Variants in RBMS1 observed in about 807,000 individuals in gnomAD.
The protein encoded by RBMS1 is RNA binding motif single stranded interacting protein 1, also known as RNA-binding motif, single-stranded-interacting protein 1.
Under a neutral mutation model 62.3 loss-of-function variants are expected in RBMS1, and 17 were observed. That is an observed-to-expected ratio of 0.27 (90% CI 0.19 to 0.41). The LOEUF (loss-of-function observed/expected upper bound fraction) is 0.41, where lower values mean the gene tolerates loss of function less well. RBMS1 is among the 10% of genes least tolerant of loss of function. The probability of loss-of-function intolerance (pLI) is 1.00; values close to 1 mark genes in which losing one functional copy is unlikely to be tolerated. For synonymous variants in RBMS1, 172 were observed against 170.0 expected, an observed-to-expected ratio of 1.01 and a Z score of -0.09; for missense variants, 334 against 504.5, an observed-to-expected ratio of 0.66 and a Z score of 3.24.
rs781771658 is a variant in RBMS1, at chr2:160,277,352, G to A, written c.1094C>T (p.Ala365Val). ...CATATGTGCATACTGTGGCAAGTAG[G>A]CTCCTTGCATAGCTGACGTTGCAGG... ...YMPATSAMQG[A>V]YLPQYAHMQT... Residue 365 changes from alanine to valine, a missense_variant, in exon 12 of 14, where the codon GCC becomes GTC. Physicochemically the swap from Ala to Val is moderately conservative, Grantham distance 64. Coordinates refer to ENST00000348849, the MANE Select transcript of RBMS1 (RefSeq NM_016836.4). The A allele has an allele frequency of 3.1e-6, 5 of 1,613,550 alleles. No homozygotes were observed. The highest frequency in any genetic ancestry group is 1.7e-4 in the Middle Eastern group (1 of 6,058).
chr2:160,326,801 G>A (rs1014038410), intron 2 of RBMS1, among the ~76,000 whole-genome samples: 63 of 152,318 alleles, frequency 4.1e-4, no homozygotes, highest in African/African-American at 1.5e-3. Context: ...AGAGATTAAA[G>A]ACAAAGGATT....
Position 160,477,358 on chromosome 2 carries a change from C to CA in RBMS1, c.75+15930dup, listed in dbSNP as rs200712687. On this transcript the variant is annotated intron_variant, in intron 1 of 13. Coordinates refer to ENST00000348849, the MANE Select transcript of RBMS1 (RefSeq NM_016836.4). ...CGAGACTCTGTTTCAACAACAACAA[C>CA]AAAAAAAAATTAATTAAAAAAATTT... Among the ~76,000 whole-genome samples the CA allele has an allele frequency of 1.6e-3, 235 of 151,606 alleles. 2 individuals are homozygous for CA. Among genetic ancestry groups the CA allele is most frequent in the African/African-American group, 5.1e-3 (212 of 41,368 alleles).
intron 1 of RBMS1, among the ~76,000 whole-genome samples, chr2:160,410,648 A>G (rs1695987981): frequency 1.3e-5 from 2 of 152,250 alleles, no homozygotes; most frequent in East Asian, 1.9e-4. Context: ...TTTGAAACAA[A>G]TATGTTCTAA....
At chr2:160,489,561 A>G (rs1166572940) in intron 1 of RBMS1, among the ~76,000 whole-genome samples, 1 of 152,214 alleles carries the variant, frequency 6.6e-6, no homozygotes, top group Non-Finnish European at 1.5e-5. Context: ...AGTTCAATGC[A>G]GAAAAACTGC....
intron 4 of RBMS1, among the ~76,000 whole-genome samples, chr2:160,306,166 T>C (rs1352653619): frequency 1.3e-5 from 2 of 151,390 alleles, no homozygotes; most frequent in Admixed American, 6.6e-5. Context: ...CACATATATA[T>C]GGAGTATATA....
At chr2:160,352,437 T>A (rs1692569530) in intron 2 of RBMS1, among the ~76,000 whole-genome samples, 1 of 152,164 alleles carries the variant, frequency 6.6e-6, no homozygotes, top group Non-Finnish European at 1.5e-5. Context: ...ATTTTCCATA[T>A]GAATATTTTG....
intron 2 of RBMS1, among the ~76,000 whole-genome samples, chr2:160,344,254 T>TA (rs1692052698): frequency 6.6e-6 from 1 of 152,028 alleles, no homozygotes; most frequent in South Asian, 2.1e-4. Context: ...GCAAAAGAGG[T>TA]AACTTGTAAG....
At chr2:160,445,342 C>T (rs1365583458) in intron 1 of RBMS1, among the ~76,000 whole-genome samples, 1 of 152,154 alleles carries the variant, frequency 6.6e-6, no homozygotes, top group Non-Finnish European at 1.5e-5. Flanking sequence ...TTTAGCATAA[C>T]TAGATTTTCA....
chr2:160,486,173 T>C (rs1260127799), intron 1 of RBMS1, among the ~76,000 whole-genome samples: 1 of 152,184 alleles, frequency 6.6e-6, no homozygotes, highest in Non-Finnish European at 1.5e-5. Flanking sequence ...AAAATCATCA[T>C]GTTTAAAAAG....
chr2:160,328,834 A>T (rs538300007), intron 2 of RBMS1, among the ~76,000 whole-genome samples: 3 of 152,330 alleles, frequency 2.0e-5, no homozygotes, highest in South Asian at 4.1e-4. Flanking sequence ...ACACAACCAG[A>T]TAACTGTGTC....
chr2:160,334,654 T>C (rs1691469426), intron 2 of RBMS1, among the ~76,000 whole-genome samples: 1 of 152,052 alleles, frequency 6.6e-6, no homozygotes, highest in Non-Finnish European at 1.5e-5. Context: ...AGGGAAGAGA[T>C]CATTACCAGA....
intron 10 of RBMS1, chr2:160,279,613 T>C (rs551389893): frequency 1.6e-4 from 25 of 152,376 alleles, no homozygotes; most frequent in African/African-American, 5.8e-4. Context: ...CAAAATTCAA[T>C]GAACTCTTTA....
intron 1 of RBMS1, among the ~76,000 whole-genome samples, chr2:160,462,902 A>C (rs1029874781): frequency 1.2e-4 from 18 of 152,282 alleles, no homozygotes; most frequent in Admixed American, 6.5e-4. Context: ...GGCCAGCCAA[A>C]ATCATTTCTA....
At chr2:160,285,077 T>A in intron 7 of RBMS1, 33 bp from the exon 8 acceptor site, 2 of 1,588,788 alleles carry the variant, frequency 1.3e-6, no homozygotes, top group Non-Finnish European at 1.7e-6. Context: ...TAAACATTCA[T>A]CTAGAAAGGC....
chr2:160,424,877 A>T (rs1397205470), intron 1 of RBMS1, among the ~76,000 whole-genome samples: 1 of 152,200 alleles, frequency 6.6e-6, no homozygotes, highest in African/African-American at 2.4e-5. Flanking sequence ...AAAAATGAGC[A>T]GCAATAGGAA....
At chr2:160,455,329 A>C (rs10427358) in intron 1 of RBMS1, among the ~76,000 whole-genome samples, 2,285 of 152,338 alleles carry the variant, frequency 0.015, 74 homozygotes, top group African/African-American at 0.052. Context: ...AAATGTGCTC[A>C]AGTTACAATT....
intron 1 of RBMS1, among the ~76,000 whole-genome samples, chr2:160,451,166 A>T (rs6727096): frequency 0.23 from 35,317 of 150,464 alleles, 4,797 homozygotes; most frequent in African/African-American, 0.35. Context: ...CAGAAAAAAA[A>T]AAATAAATAA....
intron 11 of RBMS1, chr2:160,278,141 T>A (rs55634210): frequency 3.3e-4 from 68 of 203,988 alleles, no homozygotes; most frequent in Non-Finnish European, 6.1e-4. Context: ...AATATTTCAA[T>A]ATTAAGACCA....
chr2:160,287,963 T>A (rs1334054867), intron 6 of RBMS1, among the ~76,000 whole-genome samples: 1 of 150,748 alleles, frequency 6.6e-6, no homozygotes, highest in African/African-American at 2.4e-5. Flanking sequence ...TTATATAAAT[T>A]CTTCTTACAG....
Sources: allele counts gnomAD v4.1 joint callset (sites outside exome capture counted in the v4.1 genomes callset), GRCh38; gene constraint gnomAD v4.1.1; transcripts MANE v1.5; gene names NCBI Gene and HGNC (gene_info 2026-07-23, HGNC 2026-07-21).